The following EXOG variants were observed in gnomAD, a reference collection of about 807,000 sequenced individuals.
The protein encoded by EXOG is exo/endonuclease G.
Under a neutral mutation model 25.8 loss-of-function variants are expected in EXOG, and 27 were observed. The ratio of observed to expected loss-of-function variants is 1.05; its 90% CI spans 0.77 to 1.45. The LOEUF (loss-of-function observed/expected upper bound fraction) is 1.45. Among genes scored for constraint, EXOG ranks in the 40% most tolerant of loss-of-function variants. The pLI, the probability that EXOG is intolerant of heterozygous loss-of-function variation, is 0.00. For synonymous variants in EXOG, 133 were observed against 167.0 expected (o/e 0.80, Z 1.57); for missense variants, 458 against 450.5 (o/e 1.02, Z -0.15).
At chr3:38,517,173 T>C (rs895101861) in intron 5 of EXOG, among the ~76,000 whole-genome samples, 1 of 152,278 alleles carries the variant, frequency 6.6e-6, no homozygotes, top group Non-Finnish European at 1.5e-5. Flanking sequence ...TGTTAGTTGC[T>C]AAATGATGAC....
chr3:38,503,491 A>G (rs35627643), intron 3 of EXOG, 124 bp from the exon 4 acceptor site: 1 of 545,534 alleles, frequency 1.8e-6, no homozygotes, highest in Non-Finnish European at 3.3e-6. Flanking sequence ...TATTGAAACA[A>G]GTAGTCAATA....
intron 5 of EXOG, among the ~76,000 whole-genome samples, chr3:38,508,709 C>G (rs910967408): frequency 1.8e-5 from 2 of 112,140 alleles, no homozygotes; most frequent in African/African-American, 7.8e-5. Flanking sequence ...GATTGAGGAA[C>G]CACCCCCCCC....
chr3:38,497,707 C>T lies in EXOG; in HGVS notation c.242C>T (p.Ala81Val), dbSNP rs1234330759. The part of the protein sequence containing the change: ...GTEARCYTNH[A>V]LSYDQAKRVP... ...GAGGCAAGGTGTTACACTAATCACG[C>T]TTTGTCTTATGATCAGGCAAAGCGG... is the stretch of plus-strand genomic sequence containing the variant. The change falls in exon 2 of 6, where the codon GCT becomes GTT. Residue 81 changes from alanine to valine, a missense_variant. By Grantham distance (64) the Ala-to-Val change is moderately conservative. Coordinates refer to ENST00000287675, the MANE Select transcript of EXOG (RefSeq NM_005107.4). The T allele has an allele frequency of 1.9e-6, 3 of 1,609,970 alleles. No homozygotes were observed. The highest frequency in any genetic ancestry group is 2.5e-6 in the Non-Finnish European group (3 of 1,179,308).
rs202033501 is a variant in EXOG, at chr3:38,496,357, C to G, written c.-11C>G. 2.7e-5 allele frequency: 44 copies of G among 1,610,636 alleles called. No homozygotes were observed. Among genetic ancestry groups the G allele is most frequent in the Non-Finnish European group, 8.5e-7 (1 of 1,178,244 alleles). ...CATGCGCCGTGGTAAAAGGCCGGTA[C>G]CTCGGGCAAGATGGCTATCAAGAGT... On this transcript the variant is annotated 5_prime_UTR_variant, in exon 1 of 6. Transcript: ENST00000287675.
Position 38,525,456 on chromosome 3 carries a change from G to C in EXOG, c.*1094G>C. ...AGCCAAAGGGACTTTAATGTTCTTTGAATTGAACCCTCCTTAGCTCTGTGG... is the reference window on the plus strand; with the variant it reads ...AGCCAAAGGGACTTTAATGTTCTTTCAATTGAACCCTCCTTAGCTCTGTGG... On this transcript the variant is annotated 3_prime_UTR_variant, in exon 6 of 6. Transcript: ENST00000287675. The C allele has an allele frequency of 1.0e-6, 1 of 985,408 alleles. No homozygotes were observed. Among genetic ancestry groups the C allele is most frequent in the Non-Finnish European group, 1.2e-6 (1 of 829,900 alleles). The allele number at this position is 985,408 out of a possible 1,614,324, so 61.0% of individuals were successfully genotyped here. A position where few individuals can be genotyped will look rare whatever the true frequency, so the allele number is the denominator to read the frequency against.
At chr3:38,499,757 A>G (rs1310110728) in intron 2 of EXOG, 2 of 423,880 alleles carry the variant, frequency 4.7e-6, no homozygotes, top group Non-Finnish European at 9.2e-6. Context: ...GGTATGTGCC[A>G]CTATGCCCAA....
At chr3:38,514,257 T>A (rs2060463648) in intron 5 of EXOG, among the ~76,000 whole-genome samples, 1 of 152,186 alleles carries the variant, frequency 6.6e-6, no homozygotes, top group Admixed American at 6.5e-5. Flanking sequence ...GAAGAAAGTG[T>A]GGAACCTGGA....
At chr3:38,511,968 A>G (rs532970636) in intron 5 of EXOG, among the ~76,000 whole-genome samples, 1 of 152,324 alleles carries the variant, frequency 6.6e-6, no homozygotes, top group African/African-American at 2.4e-5. Flanking sequence ...TCTTTGGTGC[A>G]TGTACTCATA....
intron 5 of EXOG, among the ~76,000 whole-genome samples, chr3:38,522,246 A>G (rs1181402355): frequency 6.6e-6 from 1 of 152,210 alleles, no homozygotes; most frequent in Non-Finnish European, 1.5e-5. Flanking sequence ...GCTGTGTGCC[A>G]TGTAGGTAGG....
chr3:38,516,823 T>G (rs2060559565), intron 5 of EXOG, among the ~76,000 whole-genome samples: 1 of 152,200 alleles, frequency 6.6e-6, no homozygotes, highest in Non-Finnish European at 1.5e-5. Context: ...TTTTGAATAG[T>G]ACGGGCCAGT....
At chr3:38,518,024 A>G (rs1421381524) in intron 5 of EXOG, among the ~76,000 whole-genome samples, 1 of 152,206 alleles carries the variant, frequency 6.6e-6, no homozygotes, top group African/African-American at 2.4e-5. Flanking sequence ...ATAGTTTGTT[A>G]GTAAAATAAA....
chr3:38,515,122 A>AT (rs34880073), intron 5 of EXOG, among the ~76,000 whole-genome samples: 1 of 151,768 alleles, frequency 6.6e-6, no homozygotes, highest in Admixed American at 6.6e-5. Context: ...ATATCCTCAA[A>AT]TTTTTTCTGG....
intron 3 of EXOG, among the ~76,000 whole-genome samples, chr3:38,502,860 G>A (rs559725342): frequency 6.6e-5 from 10 of 152,142 alleles, no homozygotes; most frequent in Non-Finnish European, 1.3e-4. Flanking sequence ...CAATTGTTGC[G>A]TAAACTATTG....
At chr3:38,511,606 C>T (rs921816531) in intron 5 of EXOG, among the ~76,000 whole-genome samples, 3 of 152,098 alleles carry the variant, frequency 2.0e-5, no homozygotes, top group Non-Finnish European at 2.9e-5. Flanking sequence ...TCAGACCTAC[C>T]GGTAGTAGAC....
At chr3:38,496,558 G>C (rs2125740537) in intron 1 of EXOG, 28 bp downstream of exon 1, 1 of 1,594,434 alleles carries the variant, frequency 6.3e-7, no homozygotes, top group East Asian at 2.2e-5. Flanking sequence ...TCCTCCCTTC[G>C]CTGGCCCAGA....
intron 5 of EXOG, chr3:38,515,431 C>G (rs1045805494): frequency 6.3e-6 from 1 of 159,594 alleles, no homozygotes; most frequent in African/African-American, 2.4e-5. Context: ...CCCTGGATCC[C>G]TCGAGGCCAG....
intron 4 of EXOG, among the ~76,000 whole-genome samples, chr3:38,504,141 G>T (rs2060129021): frequency 1.3e-5 from 2 of 152,144 alleles, no homozygotes; most frequent in Admixed American, 1.3e-4. Flanking sequence ...GCCGAGGCAG[G>T]AGAATTGCTT....
In EXOG at chr3:38,504,046, T is replaced by A. The variant is rs561581401; in HGVS notation, c.530+355T>A. 4.6e-5 allele frequency among the ~76,000 whole-genome samples: 7 copies of A among 152,242 alleles called. No homozygotes were observed. In the South Asian group the frequency reaches 8.3e-4, roughly 18 times the overall value. Reference sequence around the variant, plus strand: ...TATTCCAATATTTCTTAGCTTTTTTTAAAAAAACAGTTTTGTATTTCAAGA... The same window carrying A: ...TATTCCAATATTTCTTAGCTTTTTTAAAAAAAACAGTTTTGTATTTCAAGA... On this transcript the variant is annotated intron_variant, in intron 4 of 5. Transcript: ENST00000287675.
intron 3 of EXOG, among the ~76,000 whole-genome samples, chr3:38,501,740 T>A (rs2060050844): frequency 6.6e-6 from 1 of 152,140 alleles, no homozygotes; most frequent in Admixed American, 6.5e-5. Context: ...AGCTACTCAC[T>A]TTTATTTATT....
Sources: gnomAD v4.1 joint callset for allele counts (sites outside exome capture counted in the v4.1 genomes callset) on GRCh38, gnomAD v4.1.1 for gene constraint, MANE v1.5 for transcripts, NCBI Gene and HGNC (gene_info 2026-07-23, HGNC 2026-07-21) for gene names.